TERF1: variants seen among roughly 807,000 people sequenced by gnomAD.
The protein encoded by TERF1 is telomeric repeat-binding factor 1.
In TERF1, 20 loss-of-function variants were observed where a neutral mutation model predicts 55.1. The observed-to-expected ratio is 0.36, with a 90% CI of 0.26 to 0.53. The LOEUF (loss-of-function observed/expected upper bound fraction) is 0.53, where lower values mean the gene tolerates loss of function less well. Ranked by LOEUF, TERF1 falls within the 20% of genes least tolerant of loss-of-function variation. TERF1 has a pLI of 0.91. For missense variants in TERF1, 439 were observed against 535.7 expected, an observed-to-expected ratio of 0.82 and a Z score of 1.78; for synonymous variants, 168 against 181.2, an observed-to-expected ratio of 0.93 and a Z score of 0.59.
chr8:73,012,548 C>G (rs1808323614), intron 1 of TERF1: 1 of 156,008 alleles, frequency 6.4e-6, no homozygotes, highest in African/African-American at 2.4e-5. Flanking sequence ...TGGTGGGCGC[C>G]TGTAGTCCCA....
At chr8:73,014,131 G>A (rs1808394205) in intron 2 of TERF1, 141 bp downstream of exon 2, 1 of 619,162 alleles carries the variant, frequency 1.6e-6, no homozygotes. Context: ...GTGTGTGTGT[G>A]TGTGTACACA....
chr8:73,037,526 A>G (rs1202233805), intron 8 of TERF1, among the ~76,000 whole-genome samples: 2 of 103,880 alleles, frequency 1.9e-5, no homozygotes, highest in East Asian at 5.2e-4. Context: ...AAATATATAA[A>G]CCTTGGAACC....
At chr8:73,029,110 A>G (rs532297053) in intron 6 of TERF1, among the ~76,000 whole-genome samples, 1 of 152,340 alleles carries the variant, frequency 6.6e-6, no homozygotes, top group South Asian at 2.1e-4. Flanking sequence ...GACAGTTACC[A>G]GTAAGGATTC....
At chr8:73,034,752 A>G (rs943824903) in intron 8 of TERF1, among the ~76,000 whole-genome samples, 1 of 149,960 alleles carries the variant, frequency 6.7e-6, no homozygotes, top group Non-Finnish European at 1.5e-5. Context: ...AATGCATTCA[A>G]TCCTCAAAAC....
At chr8:73,020,288 CATAAATTCT>C (rs1808695738) in intron 2 of TERF1, among the ~76,000 whole-genome samples, 1 of 152,128 alleles carries the variant, frequency 6.6e-6, no homozygotes, top group Admixed American at 6.5e-5. Context: ...TATATATTCA[CATAAATTCT>C]GTGAGATAGT....
intron 8 of TERF1, among the ~76,000 whole-genome samples, chr8:73,032,390 T>C (rs553216644): frequency 1.3e-5 from 2 of 152,156 alleles, no homozygotes; most frequent in Non-Finnish European, 2.9e-5. Flanking sequence ...AGTATAGTCA[T>C]ATGCCACATC....
At position 73,037,693 on chromosome 8, in the gene TERF1, ATAG is replaced by A. The variant is rs1216865996; in HGVS notation, c.1040-1420_1040-1418del. ...TTATATTATATATAATATATATTAT[ATAG>A]TATAATATTATATTATATATAATAT... On this transcript the variant is annotated intron_variant, in intron 8 of 9. Transcript: ENST00000276603. Among the ~76,000 whole-genome samples, 139 of 44,432 alleles carry A rather than the reference ATAG, an allele frequency of 3.1e-3. 2 individuals carry two copies. The highest frequency in any genetic ancestry group is 0.011 in the African/African-American group (118 of 10,402). 29.1% of individuals were successfully genotyped at this position (44,432 alleles called of 152,430 possible). A position where few individuals can be genotyped will look rare whatever the true frequency, so the allele number is the denominator to read the frequency against.
Position 73,024,851 on chromosome 8 carries a change from C to T in TERF1, c.654C>T (p.Ile218=). The change falls in exon 5 of 10, where the codon ATC becomes ATT. Residue 218 remains isoleucine (I), a synonymous_variant. Coordinates refer to ENST00000276603, the MANE Select transcript of TERF1 (RefSeq NM_017489.3). ...MPFKSKLLMI[I]SQKDTFHSFF... ...TCAAAAGCAAATTGCTTATGATAAT[C>T]TCTCAGAAAGATACATTTCATTCCT... 1 of 1,586,062 alleles carries T rather than the reference C, an allele frequency of 6.3e-7. No homozygotes were observed. Among genetic ancestry groups the T allele is most frequent in the Non-Finnish European group, 8.5e-7 (1 of 1,169,956 alleles).
intron 8 of TERF1, among the ~76,000 whole-genome samples, chr8:73,032,429 T>TTGC (rs1809327261): frequency 6.6e-6 from 1 of 152,292 alleles, no homozygotes. Flanking sequence ...ACAGACTGCA[T>TTGC]TGCATATAGG....
chr8:73,018,831 A>T (rs1255501697), intron 2 of TERF1: 1 of 152,170 alleles, frequency 6.6e-6, no homozygotes, highest in Non-Finnish European at 1.5e-5. Context: ...AATATGCATT[A>T]TAGAGTAAGA....
chr8:73,038,784 T>TA, intron 8 of TERF1: 1 of 966,284 alleles, frequency 1.0e-6, no homozygotes, highest in African/African-American at 1.8e-5. Context: ...TTAGTACTCC[T>TA]AAAACATTAT....
intron 4 of TERF1, among the ~76,000 whole-genome samples, chr8:73,023,031 A>G (rs139376482): frequency 3.9e-5 from 6 of 152,286 alleles, no homozygotes; most frequent in African/African-American, 1.4e-4. Flanking sequence ...ATAATAACTT[A>G]CACAATGTAA....
intron 2 of TERF1, among the ~76,000 whole-genome samples, 172 bp from the exon 3 acceptor site, chr8:73,020,512 C>G (rs1003618787): frequency 6.6e-6 from 1 of 152,078 alleles, no homozygotes; most frequent in African/African-American, 2.4e-5. Flanking sequence ...TGAAATTGAT[C>G]TTAATGAGCA....
chr8:73,040,160 C>A (rs893490947), intron 9 of TERF1, among the ~76,000 whole-genome samples: 2 of 152,140 alleles, frequency 1.3e-5, no homozygotes, highest in Non-Finnish European at 2.9e-5. Context: ...TTCTACTTTT[C>A]ATTTGCTTCC....
chr8:73,014,484 C>T (rs371547618), intron 2 of TERF1, among the ~76,000 whole-genome samples: 4 of 152,138 alleles, frequency 2.6e-5, no homozygotes, highest in East Asian at 1.9e-4. Context: ...TTGATGCCAG[C>T]GCTTACGTAA....
At position 73,046,138 on chromosome 8, in the gene TERF1, T is replaced by C. The variant is rs1481315593; in HGVS notation, c.*1T>C. On this transcript the variant is annotated 3_prime_UTR_variant, in exon 10 of 10. Coordinates refer to ENST00000276603, the MANE Select transcript of TERF1 (RefSeq NM_017489.3). Reference sequence around the variant, plus strand: ...GATTTCCTCAGACAGCGAAGACTGATTGTGTTTGTAAAAGCTTGATGAAAG... The same window carrying C: ...GATTTCCTCAGACAGCGAAGACTGACTGTGTTTGTAAAAGCTTGATGAAAG... The C allele has an allele frequency of 5.7e-6, 9 of 1,568,072 alleles. No individual in the cohort carries two copies. Among genetic ancestry groups the C allele is most frequent in the Non-Finnish European group, 7.8e-6 (9 of 1,161,132 alleles).
At chr8:73,045,639 A>G (rs1268931426) in intron 9 of TERF1, among the ~76,000 whole-genome samples, 1 of 152,186 alleles carries the variant, frequency 6.6e-6, no homozygotes, top group Non-Finnish European at 1.5e-5. Flanking sequence ...AATAAATACA[A>G]CTATTAACAA....
intron 2 of TERF1, among the ~76,000 whole-genome samples, chr8:73,015,842 C>T (rs932029378): frequency 4.6e-5 from 7 of 152,010 alleles, no homozygotes; most frequent in Non-Finnish European, 5.9e-5. Context: ...TTAGAAATTC[C>T]CATTCCAGCA....
intron 4 of TERF1, among the ~76,000 whole-genome samples, chr8:73,022,663 G>C (rs1320251886): frequency 4.6e-5 from 7 of 151,934 alleles, no homozygotes; most frequent in Non-Finnish European, 1.5e-5. Context: ...AAAGTAAAAA[G>C]AGGCCCGGTG....
Sources: allele counts gnomAD v4.1 joint callset (sites outside exome capture counted in the v4.1 genomes callset), GRCh38; gene constraint gnomAD v4.1.1; transcripts MANE v1.5; gene names NCBI Gene and HGNC (gene_info 2026-07-23, HGNC 2026-07-21).